The following N4BP2 variants were observed in gnomAD, a reference collection of about 807,000 sequenced individuals.
N4BP2 encodes NEDD4 binding protein 2.
A neutral mutation model predicts 152.8 loss-of-function variants in N4BP2; 91 were observed. The ratio of observed to expected loss-of-function variants is 0.60; its 90% CI spans 0.50 to 0.71. The LOEUF (loss-of-function observed/expected upper bound fraction) is 0.71. N4BP2 is among the 30% of genes least tolerant of loss of function. N4BP2 has a pLI of 0.00. For synonymous variants in N4BP2, 646 were observed against 705.3 expected (o/e 0.92, Z 1.33); for missense variants, 1,923 against 2,059.1 (o/e 0.93, Z 1.28).
At chr4:40,136,456 C>T (rs1159907399) in intron 13 of N4BP2, among the ~76,000 whole-genome samples, 1 of 152,028 alleles carries the variant, frequency 6.6e-6, no homozygotes, top group Non-Finnish European at 1.5e-5. Context: ...ACCATCTCAG[C>T]CCACTGCAAC....
intron 12 of N4BP2, among the ~76,000 whole-genome samples, chr4:40,129,198 G>A (rs1317793018): frequency 2.6e-5 from 4 of 151,904 alleles, no homozygotes; most frequent in Non-Finnish European, 5.9e-5. Context: ...ACAGGTGTGA[G>A]TCACGATGCC....
At chr4:40,144,883 G>A in intron 16 of N4BP2, 83 bp downstream of exon 16, 1 of 1,047,148 alleles carries the variant, frequency 9.5e-7, no homozygotes, top group East Asian at 2.6e-5. Context: ...AGGAGAGTCT[G>A]AATATGCAGG....
In N4BP2 at chr4:40,075,007, GA is replaced by G. The variant is rs569978803; in HGVS notation, c.-115+1468del. On this transcript the variant is annotated intron_variant, in intron 2 of 17. Transcript: ENST00000261435. ...GGGCGACAGAGTGAGACTCTGTAAA[GA>G]AAAAAAAAAAAGTAAATAAATAAAA... Among the ~76,000 whole-genome samples, 643 of 136,588 alleles carry G rather than the reference GA, an allele frequency of 4.7e-3. 2 individuals carry two copies. The highest frequency in any genetic ancestry group is 0.012 in the African/African-American group (441 of 37,390). 89.6% of individuals were successfully genotyped at this position (136,588 alleles called of 152,430 possible).
At chr4:40,167,426 A>G in the N4BP2 span, 1 of 152,352 alleles carries the variant, frequency 6.6e-6, no homozygotes, top group Non-Finnish European at 1.5e-5. Flanking sequence ...AGAAAAATAT[A>G]TAAGATTCCA....
intron 3 of N4BP2, chr4:40,100,178 AAAGTT>A (rs1048665871): frequency 2.3e-6 from 1 of 437,502 alleles, no homozygotes; most frequent in Admixed American, 2.5e-5. Flanking sequence ...GAGGTTTAGG[AAAGTT>A]AACTTGTTGA....
chr4:40,183,337 A>AT, the N4BP2 span, among the ~76,000 whole-genome samples: 48,202 of 139,934 alleles, frequency 0.34, 8,521 homozygotes, highest in Middle Eastern at 0.44. Context: ...TACTTTTTAC[A>AT]TTTTTTTTTT....
chr4:40,113,472 A>G lies in N4BP2; in HGVS notation c.1628A>G (p.Asp543Gly). 6.2e-7 allele frequency: 1 copy of G among 1,613,666 alleles called. No homozygotes were observed. Among genetic ancestry groups the G allele is most frequent in the Non-Finnish European group, 8.5e-7 (1 of 1,179,702 alleles). Residue 543 changes from aspartate (D) to glycine (G), a missense_variant, in exon 7 of 18, where the codon GAC becomes GGC. By Grantham distance (94) the Asp-to-Gly change is moderately conservative. Coordinates refer to ENST00000261435, the MANE Select transcript of N4BP2 (RefSeq NM_018177.6). ...TATAAAGTCCTTTTTCGGGAACCAG[A>G]CACATGGTGGAAGTTTAAACCAAAG... ...HKYKVLFREP[D>G]TWWKFKPKEL... is the part of the protein sequence containing the mutation.
chr4:40,176,121 A>C, the N4BP2 span, among the ~76,000 whole-genome samples: 1 of 151,816 alleles, frequency 6.6e-6, no homozygotes, highest in Non-Finnish European at 1.5e-5. Context: ...AAGAAAAAAA[A>C]CAAATTTTGA....
chr4:40,066,363 G>A (rs1305628254), intron 1 of N4BP2, among the ~76,000 whole-genome samples: 1 of 143,072 alleles, frequency 7.0e-6, no homozygotes, highest in Non-Finnish European at 1.5e-5. Context: ...TTGTTGCTCA[G>A]GCTGAAGTGC....
At chr4:40,087,328 G>A (rs975437277) in intron 2 of N4BP2, among the ~76,000 whole-genome samples, 1 of 151,868 alleles carries the variant, frequency 6.6e-6, no homozygotes, top group Non-Finnish European at 1.5e-5. Context: ...AGAGAGGGGA[G>A]TTTCATTTGA....
chr4:40,066,888 C>T (rs1048435956), intron 1 of N4BP2, among the ~76,000 whole-genome samples: 8 of 152,068 alleles, frequency 5.3e-5, no homozygotes, highest in East Asian at 3.8e-4. Flanking sequence ...TTGGCAACCA[C>T]GATTCTACTT....
intron 12 of N4BP2, 106 bp from the exon 13 acceptor site, chr4:40,131,695 G>A (rs1718917468): frequency 1.3e-6 from 1 of 745,038 alleles, no homozygotes; most frequent in African/African-American, 1.8e-5. Context: ...GTCTGTGATT[G>A]CTTTTAAATC....
intron 2 of N4BP2, among the ~76,000 whole-genome samples, chr4:40,096,672 T>A (rs1715133696): frequency 6.6e-6 from 1 of 152,156 alleles, no homozygotes; most frequent in Non-Finnish European, 1.5e-5. Context: ...GGCAAGAGGC[T>A]GTGGTAGCTA....
chr4:40,173,929 G>A, the N4BP2 span, among the ~76,000 whole-genome samples: 2 of 151,884 alleles, frequency 1.3e-5, no homozygotes, highest in South Asian at 2.1e-4. Context: ...CGGATTTGAA[G>A]TTTTACTCAT....
At chr4:40,075,065 A>G (rs1712590189) in intron 2 of N4BP2, among the ~76,000 whole-genome samples, 1 of 152,040 alleles carries the variant, frequency 6.6e-6, no homozygotes, top group African/African-American at 2.4e-5. Flanking sequence ...CATATTTTAC[A>G]TATTGTTAGC....
At chr4:40,186,301 T>C in the N4BP2 span, among the ~76,000 whole-genome samples, 1 of 134,960 alleles carries the variant, frequency 7.4e-6, no homozygotes. Flanking sequence ...CTGGTTATTA[T>C]GTAAAACATT....
rs1271495743 is a variant in N4BP2 at position 40,121,045 on chromosome 4, T to A, written c.2934T>A (p.Thr978=). The change falls in exon 9 of 18, where the codon ACT becomes ACA. Residue 978 remains threonine, a synonymous_variant. Transcript: ENST00000261435. ...SHGQHTSLPL[T]FTNSAPTVSG... ...GGCAACACACATCGTTGCCTCTTAC[T>A]TTTACCAATAGTGCACCAACTGTTT... The A allele has an allele frequency of 6.2e-7, 1 of 1,614,050 alleles. No homozygotes were observed. The highest frequency in any genetic ancestry group is 8.5e-7 in the Non-Finnish European group (1 of 1,179,998).
chr4:40,131,777 A>G, intron 12 of N4BP2, 24 bp from the exon 13 acceptor site: 2 of 1,541,932 alleles, frequency 1.3e-6, no homozygotes, highest in East Asian at 2.2e-5. Context: ...CATCTTGAAC[A>G]TGATTTTTAT....
At chr4:40,089,445 T>C (rs2109935590) in intron 2 of N4BP2, among the ~76,000 whole-genome samples, 1 of 149,022 alleles carries the variant, frequency 6.7e-6, no homozygotes, top group African/African-American at 2.5e-5. Flanking sequence ...CTTTTTTTTT[T>C]TTTTTTTTTG....
Sources: allele counts gnomAD v4.1 joint callset (sites outside exome capture counted in the v4.1 genomes callset), GRCh38; gene constraint gnomAD v4.1.1; transcripts MANE v1.5; gene names NCBI Gene and HGNC (gene_info 2026-07-23, HGNC 2026-07-21).